The following SYNE2 variants were observed in gnomAD, a reference collection of about 807,000 sequenced individuals.
SYNE2 encodes nesprin-2.
Under a neutral mutation model 856.3 loss-of-function variants are expected in SYNE2, and 431 were observed. The ratio of observed to expected loss-of-function variants is 0.50; its 90% confidence interval spans 0.47 to 0.55. SYNE2 has a LOEUF of 0.55. SYNE2 is among the 20% of genes least tolerant of loss of function. The pLI is 0.00. For synonymous variants in SYNE2, 2,923 were observed against 2,872.3 expected (o/e 1.02, Z -0.56); for missense variants, 8,129 against 8,023.2 (o/e 1.01, Z -0.50).
chr14:64,096,665 G>C (rs115703723), intron 61 of SYNE2, among the ~76,000 whole-genome samples: 2 of 152,222 alleles, frequency 1.3e-5, no homozygotes, highest in Non-Finnish European at 2.9e-5. Context: ...CAGAATAGGG[G>C]TATTGGCATA....
intron 57 of SYNE2, among the ~76,000 whole-genome samples, chr14:64,085,948 G>C (rs934827459): frequency 6.6e-6 from 1 of 152,126 alleles, no homozygotes; most frequent in Admixed American, 6.5e-5. Context: ...TTTTCTTCCA[G>C]TCTGCGGCTT....
chr14:64,009,535 CAAAAAAAAAAA>C (rs67434536), intron 31 of SYNE2, among the ~76,000 whole-genome samples: 1 of 77,424 alleles, frequency 1.3e-5, no homozygotes, highest in Non-Finnish European at 2.5e-5. Flanking sequence ...GACTCTGTCT[CAAAAAAAAAAA>C]AAAAAAAAAA....
At position 63,940,617 on chromosome 14, in the gene SYNE2, A is replaced by G; in HGVS notation, c.83A>G (p.Glu28Gly). The change falls in exon 3 of 116, where the codon GAA becomes GGA. Residue 28 changes from glutamate to glycine, a missense_variant. This residue lies in a region of SYNE2 where 2,422 missense variants were observed against 2,357.4 expected (regional missense o/e 1.03). Transcript: ENST00000555002. ...IDDLHISLQA[E>G]QEDTQKKAFT... ...GCTGTTGTTCTTTCTTTGATAGCTG[A>G]ACAGGAAGACACCCAGAAGAAAGCC... 6.2e-7 allele frequency: 1 copy of G among 1,614,122 alleles called. No individual in the cohort carries two copies. The highest frequency in any genetic ancestry group is 8.5e-7 in the Non-Finnish European group (1 of 1,180,004).
intron 112 of SYNE2, among the ~76,000 whole-genome samples, chr14:64,222,390 T>G (rs1268927542): frequency 6.6e-6 from 1 of 152,174 alleles, no homozygotes; most frequent in Non-Finnish European, 1.5e-5. Context: ...CTATTATGAC[T>G]GAAACTGAAT....
At chr14:64,053,750 TG>T in intron 48 of SYNE2, 93 bp downstream of exon 48, 1 of 1,291,838 alleles carries the variant, frequency 7.7e-7, no homozygotes, top group South Asian at 1.4e-5. Flanking sequence ...GCGGATCACT[TG>T]AGGCCAAGTA....
chr14:63,982,551 C>G (rs1346099112), intron 16 of SYNE2, 79 bp from the exon 17 acceptor site: 2 of 1,336,156 alleles, frequency 1.5e-6, no homozygotes, highest in Non-Finnish European at 2.1e-6. Flanking sequence ...AAGAAAAAAG[C>G]CTTGGTGAAC....
chr14:63,838,546 G>A (rs1331929588), intron 1 of SYNE2, among the ~76,000 whole-genome samples: 1 of 151,648 alleles, frequency 6.6e-6, no homozygotes, highest in East Asian at 1.9e-4. Context: ...ACAGGGTCTT[G>A]CTGTGTCACC....
In SYNE2 at chr14:64,007,129, C is replaced by T. The variant is rs1168060185; in HGVS notation, c.4484C>T (p.Pro1495Leu). 1.2e-6 allele frequency: 2 copies of T among 1,613,480 alleles called. No individual in the cohort carries two copies. The highest frequency in any genetic ancestry group is 1.7e-6 in the Non-Finnish European group (2 of 1,179,580). Residue 1495 changes from proline to leucine, a missense_variant, in exon 31 of 116, where the codon CCA becomes CTA. By Grantham distance (98) the Pro-to-Leu change is moderately conservative. This residue lies in a region of SYNE2 where 2,422 missense variants were observed against 2,357.4 expected (regional missense o/e 1.03). Transcript: ENST00000555002. ...TTACAAGAAATGGCTAATTCTCTTCCACACTTCAAAGATGGCAGAGAAAAA... is the reference window on the plus strand; with the variant it reads ...TTACAAGAAATGGCTAATTCTCTTCTACACTTCAAAGATGGCAGAGAAAAA... Reference protein sequence around the residue: ...RHLQEMANSLPHFKDGREKTV... With the variant: ...RHLQEMANSLLHFKDGREKTV...
chr14:64,039,379 G>C (rs1168239328), intron 45 of SYNE2, among the ~76,000 whole-genome samples: 1 of 152,180 alleles, frequency 6.6e-6, no homozygotes, highest in Non-Finnish European at 1.5e-5. Context: ...TGGAGACCAT[G>C]CTCAGTCATT....
chr14:63,793,443 G>A lies in SYNE2; in HGVS notation c.-305+31457G>A, dbSNP rs556495377. ...GAGCAGCAGTTCCATTTCTACTGTC[G>A]ATAAATTTCTACTGCAGATAAATTC... is the stretch of plus-strand genomic sequence containing the variant. On this transcript the variant is annotated intron_variant, in intron 1 of 23. Transcript: ENST00000674003. Among the ~76,000 whole-genome samples the A allele has an allele frequency of 2.1e-4, 32 of 152,270 alleles. No individual in the cohort carries two copies. In the South Asian group the frequency reaches 3.1e-3, roughly 15 times the overall value.
intron 1 of SYNE2, among the ~76,000 whole-genome samples, chr14:63,818,640 G>T (rs1647713506): frequency 6.6e-6 from 1 of 151,536 alleles, no homozygotes; most frequent in Admixed American, 6.6e-5. Flanking sequence ...AAAGATTAAA[G>T]GTTTTTCCCT....
chr14:63,991,698 G>A (rs1048516674), intron 21 of SYNE2, among the ~76,000 whole-genome samples: 2 of 152,194 alleles, frequency 1.3e-5, no homozygotes, highest in African/African-American at 4.8e-5. Context: ...AATTAACATG[G>A]TGGGAGGTGC....
In SYNE2 at chr14:64,087,769, C is replaced by T. The variant is rs771288208; in HGVS notation, c.11583C>T (p.Thr3861=). 15 of 1,613,846 alleles carry T rather than the reference C, an allele frequency of 9.3e-6. No homozygotes were observed. Among genetic ancestry groups the T allele is most frequent in the Non-Finnish European group, 1.2e-5 (14 of 1,179,818 alleles). The change falls in exon 58 of 116, where the codon ACC becomes ACT. Residue 3861 remains threonine (T), a synonymous_variant. Transcript: ENST00000555002. Reference sequence around the variant, plus strand: ...TAATTTTTGAAACAGATGAATTAACCCAATCCATACAAGAGTTAAGTAATC... The same window carrying T: ...TAATTTTTGAAACAGATGAATTAACTCAATCCATACAAGAGTTAAGTAATC... ...LSIIFETDEL[T]QSIQELSNQV...
At chr14:63,868,051 A>G (rs566594429) in intron 1 of SYNE2, among the ~76,000 whole-genome samples, 1 of 152,266 alleles carries the variant, frequency 6.6e-6, no homozygotes, top group South Asian at 2.1e-4. Context: ...CTGTCTAAAA[A>G]AAGAAAAAAA....
Position 63,779,989 on chromosome 14 carries a change from A to G in SYNE2, c.-305+18003A>G, listed in dbSNP as rs142562384. Among the ~76,000 whole-genome samples the G allele has an allele frequency of 1.7e-4, 26 of 152,362 alleles. No individual in the cohort carries two copies. In the East Asian group the frequency reaches 5.0e-3, roughly 29 times the overall value. On this transcript the variant is annotated intron_variant, in intron 1 of 23. Coordinates refer to the SYNE2 transcript ENST00000674003. ...AAAACTTTCAGTGTTCACACATATC[A>G]TGATCATTAATTTTGGAAATCCAGG...
intron 41 of SYNE2, among the ~76,000 whole-genome samples, chr14:64,026,126 GT>G (rs1183552754): frequency 1.3e-5 from 2 of 152,068 alleles, no homozygotes; most frequent in Non-Finnish European, 2.9e-5. Context: ...ATATCCAGAC[GT>G]TTTCCCAGAG....
chr14:63,983,519 T>C (rs1182383358), intron 17 of SYNE2, among the ~76,000 whole-genome samples: 1 of 152,206 alleles, frequency 6.6e-6, no homozygotes, highest in Non-Finnish European at 1.5e-5. Flanking sequence ...TGTAGCATAG[T>C]GCCTCATAAA....
intron 1 of SYNE2, among the ~76,000 whole-genome samples, chr14:63,886,380 AAGAC>A (rs1167085109): frequency 6.6e-6 from 1 of 152,190 alleles, no homozygotes; most frequent in African/African-American, 2.4e-5. Context: ...TAATTTATAT[AAGAC>A]AGGGTGAAAT....
intron 30 of SYNE2, among the ~76,000 whole-genome samples, 175 bp downstream of exon 30, chr14:64,003,505 T>C (rs1391209124): frequency 6.6e-6 from 1 of 152,244 alleles, no homozygotes; most frequent in African/African-American, 2.4e-5. Context: ...TTTGTTGGTA[T>C]TGTACCTGTA....
Sources: allele counts gnomAD v4.1 joint callset (sites outside exome capture counted in the v4.1 genomes callset), GRCh38; gene constraint gnomAD v4.1.1; regional missense constraint gnomAD v4.1.1; transcripts MANE v1.5; gene names NCBI Gene and HGNC (gene_info 2026-07-23, HGNC 2026-07-21).